Variants in SLC18A1 observed in about 807,000 individuals in gnomAD.
SLC18A1 encodes the protein chromaffin granule amine transporter.
Under a neutral mutation model 53.7 loss-of-function variants are expected in SLC18A1, and 69 were observed. The ratio of observed to expected loss-of-function variants is 1.28; its 90% CI spans 1.06 to 1.57. The LOEUF (loss-of-function observed/expected upper bound fraction) is 1.57, where lower values mean the gene tolerates loss of function less well. Ranked by LOEUF, SLC18A1 falls within the 40% of genes most tolerant of loss-of-function variation. The probability of loss-of-function intolerance (pLI) is 0.00; values close to 1 mark genes in which losing one functional copy is unlikely to be tolerated. For synonymous variants in SLC18A1, 320 were observed against 248.1 expected, an observed-to-expected ratio of 1.29 and a Z score of -2.72; for missense variants, 932 against 668.1, an observed-to-expected ratio of 1.40 and a Z score of -4.35.
intron 3 of SLC18A1, 84 bp downstream of exon 3, chr8:20,179,036 CT>C (rs1324956766): frequency 4.0e-6 from 6 of 1,485,062 alleles, no homozygotes; most frequent in Non-Finnish European, 5.4e-6. Flanking sequence ...AGTATTTCTT[CT>C]TTTTCCCTTC....
chr8:20,178,370 C>G (rs545891460), intron 4 of SLC18A1, 65 bp downstream of exon 4: 3 of 1,303,960 alleles, frequency 2.3e-6, no homozygotes, highest in African/African-American at 1.5e-5. Context: ...CTATCTACAC[C>G]GCATTCACTT....
At chr8:20,165,732 T>C (rs1257339451) in intron 8 of SLC18A1, among the ~76,000 whole-genome samples, 1 of 152,170 alleles carries the variant, frequency 6.6e-6, no homozygotes, top group African/African-American at 2.4e-5. Context: ...GCCATCATTA[T>C]TGCCTTTGCC....
chr8:20,159,661 A>T (rs921881846), intron 10 of SLC18A1, among the ~76,000 whole-genome samples: 1 of 149,226 alleles, frequency 6.7e-6, no homozygotes, highest in Non-Finnish European at 1.5e-5. Context: ...AAAAAAAAAA[A>T]AAGAAAGAAA....
intron 4 of SLC18A1, among the ~76,000 whole-genome samples, chr8:20,176,358 T>C (rs1187869698): frequency 2.6e-5 from 4 of 152,178 alleles, no homozygotes; most frequent in Non-Finnish European, 5.9e-5. Flanking sequence ...CAGAAGCAGA[T>C]GCTGGTGTCA....
chr8:20,162,752 G>C (rs1312466052), intron 10 of SLC18A1, among the ~76,000 whole-genome samples: 2 of 152,040 alleles, frequency 1.3e-5, no homozygotes, highest in Non-Finnish European at 2.9e-5. Flanking sequence ...TCAACATTCT[G>C]GTCACAACCT....
rs148621980 is a variant in SLC18A1 at position 20,180,911 on chromosome 8, C to G, written c.54G>C (p.Ala18=). 5 of 1,611,524 alleles carry G rather than the reference C, an allele frequency of 3.1e-6. No individual in the cohort carries two copies. The African/African-American group carries it at 5.3e-5, about 17-fold the overall frequency. The change falls in exon 2 of 16, where the codon GCG becomes GCC. Residue 18 remains alanine, a synonymous_variant. Transcript: ENST00000276373. ...APQRLLKEGR[A]SRQLVLVVVF... ...CCACCACCAGCACCAGCTGCCGGGA[C>G]GCTCTCCCCTCCTTCAGCAACCGCT... is the stretch of plus-strand genomic sequence containing the variant.
chr8:20,166,276 G>GT (rs1563750614), intron 8 of SLC18A1, among the ~76,000 whole-genome samples: 17 of 60,736 alleles, frequency 2.8e-4, no homozygotes, highest in East Asian at 6.2e-4. Context: ...ATTGTGTGTG[G>GT]GTGTGTGTGT....
chr8:20,173,005 C>T lies in SLC18A1; in HGVS notation c.724+31G>A, dbSNP rs62498231. ...CCTGCTTCCTAGAGTCCCACCCTCC[C>T]GAACCCAGAGCTCCAGCTGGTGCCA... On this transcript the variant is annotated intron_variant, in intron 6 of 15. Transcript: ENST00000276373. 1.5e-4 allele frequency: 225 copies of T among 1,514,574 alleles called. 3 individuals carry two copies. In the East Asian group the frequency reaches 4.8e-3, roughly 32 times the overall value. 93.8% of individuals were successfully genotyped at this position (1,514,574 alleles called of 1,614,324 possible). A position where few individuals can be genotyped will look rare whatever the true frequency, so the allele number is the denominator to read the frequency against.
intron 8 of SLC18A1, among the ~76,000 whole-genome samples, chr8:20,165,486 TG>T (rs937869690): frequency 2.6e-5 from 4 of 152,168 alleles, no homozygotes; most frequent in Non-Finnish European, 5.9e-5. Context: ...ATATTTGTCC[TG>T]GGAGAACCAC....
intron 10 of SLC18A1, among the ~76,000 whole-genome samples, chr8:20,158,283 C>G (rs1370813789): frequency 6.6e-6 from 1 of 152,194 alleles, no homozygotes; most frequent in African/African-American, 2.4e-5. Flanking sequence ...GATACTTCTC[C>G]CAGCCACTAA....
At chr8:20,167,418 G>C (rs925926498) in intron 8 of SLC18A1, among the ~76,000 whole-genome samples, 1 of 151,854 alleles carries the variant, frequency 6.6e-6, no homozygotes, top group East Asian at 1.9e-4. Flanking sequence ...TGTATAATAG[G>C]GGGAGACAAA....
chr8:20,152,911 G>T (rs1277259469), intron 10 of SLC18A1, among the ~76,000 whole-genome samples: 2 of 152,178 alleles, frequency 1.3e-5, no homozygotes, highest in African/African-American at 4.8e-5. Context: ...GACTGGGAAT[G>T]TGGGTTCAGA....
chr8:20,152,535 G>C (rs1171928601), intron 10 of SLC18A1, among the ~76,000 whole-genome samples: 2 of 152,120 alleles, frequency 1.3e-5, no homozygotes, highest in Non-Finnish European at 2.9e-5. Context: ...TGAGAAATCA[G>C]GGATAACCTA....
At chr8:20,152,972 A>C (rs1585194156) in intron 10 of SLC18A1, among the ~76,000 whole-genome samples, 1 of 152,214 alleles carries the variant, frequency 6.6e-6, no homozygotes, top group South Asian at 2.1e-4. Flanking sequence ...TTCCATTCTC[A>C]TTGCTTCCAT....
chr8:20,155,509 G>C (rs2071661218), intron 10 of SLC18A1, among the ~76,000 whole-genome samples: 2 of 152,178 alleles, frequency 1.3e-5, no homozygotes, highest in Non-Finnish European at 2.9e-5. Flanking sequence ...GAGGCAGAAA[G>C]CTGTCATCCC....
intron 10 of SLC18A1, among the ~76,000 whole-genome samples, chr8:20,164,290 C>G (rs553271139): frequency 6.6e-6 from 1 of 152,184 alleles, no homozygotes; most frequent in Admixed American, 6.5e-5. Context: ...AGCTGGAACC[C>G]TCTCTCCTGG....
intron 10 of SLC18A1, among the ~76,000 whole-genome samples, chr8:20,164,070 G>GC (rs576276429): frequency 1.3e-3 from 194 of 152,084 alleles, no homozygotes; most frequent in South Asian, 7.7e-3. Context: ...GCTTAGAATT[G>GC]CCCCCCCAAA....
intron 12 of SLC18A1, 93 bp from the exon 13 acceptor site, chr8:20,148,163 G>C: frequency 8.9e-7 from 1 of 1,120,592 alleles, no homozygotes; most frequent in Non-Finnish European, 1.3e-6. Context: ...CATTTATTCA[G>C]AGTGCACTAT....
chr8:20,180,936 T>C lies in SLC18A1; in HGVS notation c.29A>G (p.Gln10Arg), dbSNP rs150204882. The C allele has an allele frequency of 3.3e-4, 530 of 1,596,930 alleles. No homozygotes were observed. The highest frequency in any genetic ancestry group is 1.3e-3 in the Middle Eastern group (8 of 5,978). Residue 10 changes from glutamine (Q) to arginine (R), a missense_variant, in exon 2 of 16, where the codon CAG becomes CGG. By Grantham distance (43) the Gln-to-Arg change is conservative. Coordinates refer to ENST00000276373, the MANE Select transcript of SLC18A1 (RefSeq NM_003053.4). ...CGCTCTCCCCTCCTTCAGCAACCGC[T>C]GGGGAGCATCCAGAATGGTCCGGAG... MLRTILDAP[Q>R]RLLKEGRASR...
Sources: gnomAD v4.1 joint callset for allele counts (sites outside exome capture counted in the v4.1 genomes callset) on GRCh38, gnomAD v4.1.1 for gene constraint, MANE v1.5 for transcripts, NCBI Gene and HGNC (gene_info 2026-07-23, HGNC 2026-07-21) for gene names.